The following GPN3 variants were observed in gnomAD, a reference collection of about 807,000 sequenced individuals.
GPN3 encodes GPN-loop GTPase 3.
A neutral mutation model predicts 38.7 loss-of-function variants in GPN3; 31 were observed. That is an observed-to-expected ratio of 0.80 (90% CI 0.60 to 1.08). The LOEUF (loss-of-function observed/expected upper bound fraction) is 1.08. GPN3 is among the 50% of genes least tolerant of loss of function. GPN3 has a pLI of 0.00. For missense variants in GPN3, 301 were observed against 354.4 expected (o/e 0.85, Z 1.21); for synonymous variants, 116 against 120.2 (o/e 0.96, Z 0.23).
chr12:110,458,113 C>A lies in GPN3; in HGVS notation c.326-479G>T, dbSNP rs1206098489. 2.6e-5 allele frequency among the ~76,000 whole-genome samples: 4 copies of A among 151,688 alleles called. No individual in the cohort carries two copies. Among genetic ancestry groups the A allele is most frequent in the Non-Finnish European group, 5.9e-5 (4 of 67,952 alleles). ...CCTGGGCGACAGAGTAAGACTCTGT[C>A]TTTAAAAATAAAAAAAAAGAAAGAA... On this transcript the variant is annotated intron_variant, in intron 3 of 7. Transcript: ENST00000228827. This position sits in a 1 kb window ranked among gnomAD's most constrained non-coding sequence, Gnocchi z 4.4.
chr12:110,457,996 GGTGCGCGCCTGTGGGA>G (rs1284767234), intron 3 of GPN3, among the ~76,000 whole-genome samples: 1 of 152,022 alleles, frequency 6.6e-6, no homozygotes, highest in African/African-American at 2.4e-5. Flanking sequence ...CAGGCGTGGT[GGTGCGCGCCTGTGGGA>G]TGCTGAGGCA....
intron 6 of GPN3, 115 bp downstream of exon 6, chr12:110,455,471 C>T: frequency 1.5e-6 from 1 of 655,734 alleles, no homozygotes; most frequent in Non-Finnish European, 2.7e-6. Flanking sequence ...ACTATGTTGC[C>T]CAGGCTGGTC....
At position 110,453,099 on chromosome 12, in the gene GPN3, G is replaced by T; in HGVS notation, c.793-3C>A. On this transcript the variant is annotated splice_region_variant and splice_polypyrimidine_tract_variant and intron_variant, in intron 7 of 7. Coordinates refer to ENST00000228827, the MANE Select transcript of GPN3 (RefSeq NM_016301.4). ...GAGGAAGACTCATCTTCACGTTCCT[G>T]ACACAATGGAAACACAAAATAGAAA... The T allele has an allele frequency of 7.4e-7, 1 of 1,354,202 alleles. No homozygotes were observed. Among genetic ancestry groups the T allele is most frequent in the Non-Finnish European group, 1.1e-6 (1 of 947,302 alleles). 83.9% of individuals were successfully genotyped at this position (1,354,202 alleles called of 1,614,324 possible). A position where few individuals can be genotyped will look rare whatever the true frequency, so the allele number is the denominator to read the frequency against.
At position 110,457,603 on chromosome 12, in the gene GPN3, C is replaced by T. The variant is rs1210292501; in HGVS notation, c.357G>A (p.Val119=). 30 of 1,606,016 alleles carry T rather than the reference C, an allele frequency of 1.9e-5. No homozygotes were observed. The Admixed American group carries it at 4.9e-4, about 26-fold the overall frequency. The change falls in exon 4 of 8, where the codon GTG becomes GTA. Residue 119 remains valine, a synonymous_variant. Transcript: ENST00000228827. ...CGAGCTGCTGGACCAGCTGTTTCAT[C>T]ACAGGCAGGTGAGTGTACAACTCAA... ...GQIELYTHLP[V]MKQLVQQLEQ... is the part of the protein sequence containing the mutation.
Position 110,458,295 on chromosome 12 carries a change from A to C in GPN3, c.326-661T>G, listed in dbSNP as rs571987883. ...CAGGACTTTGAGAGCAGCCTGAGCA[A>C]TATAGTGAGATCCTATCTCTACAAA... On this transcript the variant is annotated intron_variant, in intron 3 of 7. Coordinates refer to ENST00000228827, the MANE Select transcript of GPN3 (RefSeq NM_016301.4). The surrounding 1 kb of genome is among the most constrained non-coding windows in gnomAD (Gnocchi z 4.4). 6.6e-6 allele frequency among the ~76,000 whole-genome samples: 1 copy of C among 152,286 alleles called. No homozygotes were observed. Among genetic ancestry groups the C allele is most frequent in the African/African-American group, 2.4e-5 (1 of 41,562 alleles).
intron 1 of GPN3, among the ~76,000 whole-genome samples, chr12:110,466,659 C>T (rs746706648): frequency 5.9e-5 from 9 of 152,104 alleles, no homozygotes; most frequent in Non-Finnish European, 1.2e-4. Flanking sequence ...CCATGCCCAG[C>T]TAATTTTTGT....
Position 110,455,835 on chromosome 12 carries a change from T to C in GPN3, c.546A>G (p.Lys182=). ...IMTKMDLLSK[K]AKKEIEKFLD... Reference sequence around the variant, plus strand: ...CTCACTTCTCAATTTCCTTTTTTGCTTTTTTACTCAGCAGATCCATTTTTG... The same window carrying C: ...CTCACTTCTCAATTTCCTTTTTTGCCTTTTTACTCAGCAGATCCATTTTTG... Residue 182 remains lysine, a synonymous_variant, in exon 5 of 8, where the codon AAA becomes AAG. Coordinates refer to ENST00000228827, the MANE Select transcript of GPN3 (RefSeq NM_016301.4). The C allele has an allele frequency of 6.3e-7, 1 of 1,588,910 alleles. No individual in the cohort carries two copies. The highest frequency in any genetic ancestry group is 8.6e-7 in the Non-Finnish European group (1 of 1,156,984).
chr12:110,468,514 C>T, upstream of GPN3: 2 of 1,537,306 alleles, frequency 1.3e-6, no homozygotes, highest in Non-Finnish European at 1.7e-6. Context: ...CATCCTTGCG[C>T]CACGTGCTTC....
intron 4 of GPN3, among the ~76,000 whole-genome samples, chr12:110,456,974 A>G (rs1367768808): frequency 1.3e-5 from 2 of 152,118 alleles, no homozygotes; most frequent in East Asian, 3.8e-4. Context: ...CTAAGATTAT[A>G]GCTGTGAACC....
At chr12:110,455,535 C>T (rs2062543327) in intron 6 of GPN3, 51 bp downstream of exon 6, 1 of 766,198 alleles carries the variant, frequency 1.3e-6, no homozygotes. Context: ...GCTAGGGTTA[C>T]AGGCATTAGC....
At chr12:110,457,696 G>A in intron 3 of GPN3, 62 bp from the exon 4 acceptor site, 4 of 1,337,798 alleles carry the variant, frequency 3.0e-6, no homozygotes, top group South Asian at 1.5e-5. Context: ...TCAAGTTAGA[G>A]GAAACAAATT....
rs2062521594 is a variant in GPN3 at position 110,452,841 on chromosome 12, T to C, written c.*193A>G. 3 of 554,080 alleles carry C rather than the reference T, an allele frequency of 5.4e-6. No homozygotes were observed. The highest frequency in any genetic ancestry group is 3.2e-5 in the Admixed American group (1 of 31,530). The allele number at this position is 554,080 out of a possible 1,614,324, so 34.3% of individuals were successfully genotyped here. A position where few individuals can be genotyped will look rare whatever the true frequency, so the allele number is the denominator to read the frequency against. On this transcript the variant is annotated 3_prime_UTR_variant, in exon 8 of 8. Transcript: ENST00000228827. ...ATCTAAAGTGATGCTGTTATAATAC[T>C]AAAAGATTCCACTTTAAACAGCAGC...
At chr12:110,464,052 CTT>C (rs2062610530) in intron 2 of GPN3, among the ~76,000 whole-genome samples, 1 of 151,774 alleles carries the variant, frequency 6.6e-6, no homozygotes, top group Non-Finnish European at 1.5e-5. Flanking sequence ...CCAGGCTGGA[CTT>C]GAACTCCTGG....
At chr12:110,460,224 C>T (rs977855693) in intron 2 of GPN3, among the ~76,000 whole-genome samples, 3 of 152,214 alleles carry the variant, frequency 2.0e-5, no homozygotes, top group East Asian at 1.9e-4. Context: ...AATACATATA[C>T]ATCTTGAATT....
At chr12:110,462,344 C>G (rs987022886) in intron 2 of GPN3, among the ~76,000 whole-genome samples, 1 of 152,082 alleles carries the variant, frequency 6.6e-6, no homozygotes, top group Non-Finnish European at 1.5e-5. Flanking sequence ...GCAAAGAGAA[C>G]GTCCCCAAAC....
chr12:110,467,115 A>G (rs1245408784), intron 1 of GPN3, among the ~76,000 whole-genome samples: 2 of 151,948 alleles, frequency 1.3e-5, no homozygotes, highest in Non-Finnish European at 2.9e-5. Flanking sequence ...CAGCTTCCCG[A>G]GAAGCTGGGA....
chr12:110,455,707 A>C (rs753273765), intron 5 of GPN3, 25 bp from the exon 6 acceptor site: 4 of 1,058,096 alleles, frequency 3.8e-6, no homozygotes, highest in East Asian at 2.4e-5. Context: ...AAGACTGATG[A>C]ATTCAGGAGA....
At chr12:110,459,914 A>T in intron 2 of GPN3, 52 bp from the exon 3 acceptor site, 1 of 1,419,712 alleles carries the variant, frequency 7.0e-7, no homozygotes, top group Non-Finnish European at 9.8e-7. Context: ...AAAAATTGTT[A>T]TCCTTACTAG....
chr12:110,464,500 T>C (rs1420602078), intron 2 of GPN3, among the ~76,000 whole-genome samples: 15 of 151,646 alleles, frequency 9.9e-5, no homozygotes, highest in South Asian at 4.2e-4. Flanking sequence ...TCCTGACTTA[T>C]AGTGATCAGC....
Sources: allele counts gnomAD v4.1 joint callset (sites outside exome capture counted in the v4.1 genomes callset), GRCh38; gene constraint gnomAD v4.1.1; non-coding constraint Gnocchi (gnomAD v3.1); transcripts MANE v1.5; gene names NCBI Gene and HGNC (gene_info 2026-07-23, HGNC 2026-07-21).